Variants in CATSPERQ observed in about 807,000 individuals in gnomAD.
CATSPERQ encodes the protein cation channel sperm-associated auxiliary subunit theta.
the CATSPERQ span, chr8:144,353,570 G>A: frequency 6.7e-7 from 1 of 1,500,218 alleles, no homozygotes; most frequent in Non-Finnish European, 8.9e-7. Flanking sequence ...GGACAGGACA[G>A]ACCCGAGTCG....
the CATSPERQ span, chr8:144,353,769 G>T: frequency 6.5e-7 from 1 of 1,535,476 alleles, no homozygotes; most frequent in Non-Finnish European, 8.7e-7. Flanking sequence ...GTGTCTGGGC[G>T]GGACCCACCT....
the CATSPERQ span, chr8:144,354,588 C>T: frequency 7.8e-7 from 1 of 1,283,020 alleles, no homozygotes; most frequent in Non-Finnish European, 1.1e-6. The surrounding 1 kb of genome is among the most constrained non-coding windows in gnomAD (Gnocchi z 4.6). Context: ...AGCCCCGCCC[C>T]GCCCCGCCCC....
the CATSPERQ span, chr8:144,354,912 G>A: frequency 1.2e-5 from 16 of 1,350,784 alleles, no homozygotes; most frequent in Non-Finnish European, 1.6e-5. The surrounding 1 kb of genome is among the most constrained non-coding windows in gnomAD (Gnocchi z 4.6). Context: ...TGACAGGGCA[G>A]CGAGGCCAGG....
chr8:144,354,725 C>T, the CATSPERQ span: 20 of 1,535,636 alleles, frequency 1.3e-5, no homozygotes, highest in Non-Finnish European at 1.7e-5. The surrounding 1 kb of genome is among the most constrained non-coding windows in gnomAD (Gnocchi z 4.6). Flanking sequence ...AAGCGCCAGC[C>T]GATGGAGGTC....
the CATSPERQ span, chr8:144,353,240 G>T: frequency 7.4e-7 from 1 of 1,349,132 alleles, no homozygotes; most frequent in Non-Finnish European, 9.8e-7. Flanking sequence ...AGCTGAGGCA[G>T]CTTTATTGAA....
At chr8:144,354,574 T>TGCCCCCCCCCCCCCCC in the CATSPERQ span, 1 of 322,962 alleles carries the variant, frequency 3.1e-6, no homozygotes, top group Non-Finnish European at 5.4e-6. This position sits in a 1 kb window ranked among gnomAD's most constrained non-coding sequence, Gnocchi z 4.6. Flanking sequence ...GCCCCGCCCT[T>TGCCCCCCCCCCCCCCC]CCCAGCCCCG....
At chr8:144,353,942 C>A in the CATSPERQ span, 2 of 1,530,508 alleles carry the variant, frequency 1.3e-6, no homozygotes, top group Admixed American at 4.0e-5. Flanking sequence ...GCGCACCCTC[C>A]CGGCCCGTTA....
At chr8:144,353,392 T>A in the CATSPERQ span, 3 of 1,535,556 alleles carry the variant, frequency 2.0e-6, no homozygotes, top group Non-Finnish European at 2.6e-6. Flanking sequence ...TTGTGACCCA[T>A]GGGGCTCTTG....
the CATSPERQ span, chr8:144,354,484 C>T: frequency 3.7e-6 from 5 of 1,337,658 alleles, no homozygotes; most frequent in Non-Finnish European, 4.9e-6. This position sits in a 1 kb window ranked among gnomAD's most constrained non-coding sequence, Gnocchi z 4.6. Flanking sequence ...CACCGGCCGG[C>T]CCCACCCAGG....
At chr8:144,354,801 C>G in the CATSPERQ span, 2 of 1,523,224 alleles carry the variant, frequency 1.3e-6, 1 homozygote, top group South Asian at 2.4e-5. This position sits in a 1 kb window ranked among gnomAD's most constrained non-coding sequence, Gnocchi z 4.6. Flanking sequence ...CCTGGCCGCT[C>G]GTCCGCTGCC....
chr8:144,354,924 A>G, the CATSPERQ span: 21 of 1,267,756 alleles, frequency 1.7e-5, no homozygotes, highest in Non-Finnish European at 2.2e-5. This position sits in a 1 kb window ranked among gnomAD's most constrained non-coding sequence, Gnocchi z 4.6. Flanking sequence ...GAGGCCAGGG[A>G]GCGGCCCAGG....
At chr8:144,354,525 C>T in the CATSPERQ span, 1 of 1,444,712 alleles carries the variant, frequency 6.9e-7, no homozygotes, top group Non-Finnish European at 9.1e-7. This position sits in a 1 kb window ranked among gnomAD's most constrained non-coding sequence, Gnocchi z 4.6. Context: ...CACCTGGCTC[C>T]GCCCCATTCA....
At chr8:144,353,419 C>A in the CATSPERQ span, 6 of 1,535,750 alleles carry the variant, frequency 3.9e-6, no homozygotes, top group Admixed American at 2.0e-5. Flanking sequence ...ACAGTGCCAG[C>A]GCCAGGGGGT....
chr8:144,354,705 C>T, the CATSPERQ span: 2 of 1,535,580 alleles, frequency 1.3e-6, no homozygotes, highest in Non-Finnish European at 1.7e-6. This position sits in a 1 kb window ranked among gnomAD's most constrained non-coding sequence, Gnocchi z 4.6. Flanking sequence ...GTCCTAGGAA[C>T]CAGAGCTGGA....
chr8:144,353,601 C>T, the CATSPERQ span: 2 of 1,472,440 alleles, frequency 1.4e-6, no homozygotes, highest in South Asian at 1.3e-5. Flanking sequence ...GTCTCCTTCC[C>T]CTACCAGGCT....
Sources: allele counts gnomAD v4.1 joint callset, GRCh38; gene constraint gnomAD v4.1.1; non-coding constraint Gnocchi (gnomAD v3.1); transcripts MANE v1.5; gene names NCBI Gene and HGNC (gene_info 2026-07-23, HGNC 2026-07-21).